The following IQCJ variants were observed in gnomAD, a reference collection of about 807,000 sequenced individuals.
IQCJ encodes IQ motif containing J.
IQCJ carries 9 observed loss-of-function variants against 11.0 expected under a neutral mutation model. That is an observed-to-expected ratio of 0.82 (90% CI 0.49 to 1.43). The LOEUF (loss-of-function observed/expected upper bound fraction) is 1.43. Ranked by LOEUF, IQCJ falls within the 40% of genes most tolerant of loss-of-function variation. The pLI is 0.00. For synonymous variants in IQCJ, 55 were observed against 51.3 expected, an observed-to-expected ratio of 1.07 and a Z score of -0.31; for missense variants, 146 against 133.2, an observed-to-expected ratio of 1.10 and a Z score of -0.47.
chr3:159,247,015 G>A (rs534850128), intron 2 of IQCJ, among the ~76,000 whole-genome samples: 1 of 152,278 alleles, frequency 6.6e-6, no homozygotes, highest in South Asian at 2.1e-4. Context: ...ATTATAAGGA[G>A]CACAGCCAAC....
intron 1 of IQCJ, among the ~76,000 whole-genome samples, chr3:159,194,662 A>G (rs967891935): frequency 6.6e-6 from 1 of 152,136 alleles, no homozygotes; most frequent in Admixed American, 6.5e-5. Flanking sequence ...TGCATAGTAT[A>G]TCTATTTTAG....
intron 1 of IQCJ, among the ~76,000 whole-genome samples, chr3:159,105,818 C>G (rs1052985174): frequency 1.3e-5 from 2 of 152,150 alleles, no homozygotes; most frequent in African/African-American, 2.4e-5. Flanking sequence ...ATAGATACAT[C>G]ACACGCAGCC....
chr3:159,256,337 A>G (rs1041933183), intron 3 of IQCJ, among the ~76,000 whole-genome samples: 2 of 152,154 alleles, frequency 1.3e-5, no homozygotes, highest in Non-Finnish European at 2.9e-5. Flanking sequence ...TTTAGGTTCT[A>G]TAAAGGAGAG....
At chr3:159,127,094 T>C (rs76646456) in intron 1 of IQCJ, among the ~76,000 whole-genome samples, 3,315 of 152,342 alleles carry the variant, frequency 0.022, 121 homozygotes, top group African/African-American at 0.075. Context: ...GACAGGTTTC[T>C]ATTAATTTCA....
At chr3:159,123,453 G>A (rs1171473759) in intron 1 of IQCJ, among the ~76,000 whole-genome samples, 2 of 152,164 alleles carry the variant, frequency 1.3e-5, no homozygotes, top group South Asian at 2.1e-4. Flanking sequence ...CAGCTTCTAA[G>A]ATCTGTGTGG....
chr3:159,193,294 T>G (rs1459522124), intron 1 of IQCJ, among the ~76,000 whole-genome samples: 1 of 152,220 alleles, frequency 6.6e-6, no homozygotes, highest in Non-Finnish European at 1.5e-5. Context: ...AACTTCTCCA[T>G]CTACCTAATG....
At chr3:159,075,773 G>C (rs1221763454) in intron 1 of IQCJ, among the ~76,000 whole-genome samples, 1 of 152,130 alleles carries the variant, frequency 6.6e-6, no homozygotes, top group East Asian at 1.9e-4. Context: ...GCAGATGAAT[G>C]AGGCAGGCAC....
intron 1 of IQCJ, among the ~76,000 whole-genome samples, chr3:159,155,286 T>G (rs1721452830): frequency 6.6e-6 from 1 of 152,080 alleles, no homozygotes; most frequent in Non-Finnish European, 1.5e-5. Flanking sequence ...GTCTCCTGAG[T>G]AGCTGGGACT....
At chr3:159,144,653 CACACACAG>C (rs1720820504) in intron 1 of IQCJ, among the ~76,000 whole-genome samples, 1 of 34,756 alleles carries the variant, frequency 2.9e-5, no homozygotes, top group African/African-American at 9.6e-5. Flanking sequence ...CACACACATA[CACACACAG>C]ACACACACAC....
chr3:159,072,005 C>T (rs1715595279), intron 1 of IQCJ, among the ~76,000 whole-genome samples: 2 of 152,026 alleles, frequency 1.3e-5, no homozygotes, highest in African/African-American at 4.8e-5. Flanking sequence ...AAATATTCAT[C>T]CTTTAAGTAA....
At chr3:159,166,135 T>A (rs1339241191) in intron 1 of IQCJ, among the ~76,000 whole-genome samples, 1 of 151,894 alleles carries the variant, frequency 6.6e-6, no homozygotes, top group Non-Finnish European at 1.5e-5. Context: ...AGCAACCGTT[T>A]CCACTGTTTA....
chr3:159,084,941 A>C (rs1289605563), intron 1 of IQCJ, among the ~76,000 whole-genome samples: 1 of 151,590 alleles, frequency 6.6e-6, no homozygotes, highest in African/African-American at 2.4e-5. Context: ...TTATACTTTA[A>C]GTTTTAGGGT....
At chr3:159,236,052 A>G (rs13100558) in intron 1 of IQCJ, among the ~76,000 whole-genome samples, 1 of 152,154 alleles carries the variant, frequency 6.6e-6, no homozygotes, top group South Asian at 2.1e-4. Flanking sequence ...ACAGGCAAAT[A>G]TCTTTTTAAG....
chr3:159,195,811 A>G (rs914879412), intron 1 of IQCJ, among the ~76,000 whole-genome samples: 1 of 152,222 alleles, frequency 6.6e-6, no homozygotes, highest in African/African-American at 2.4e-5. Flanking sequence ...AAATTAGTCT[A>G]TTTTTGTTGA....
At chr3:159,101,707 ATCT>A (rs1382129948) in intron 1 of IQCJ, among the ~76,000 whole-genome samples, 3 of 152,178 alleles carry the variant, frequency 2.0e-5, no homozygotes, top group South Asian at 2.1e-4. Flanking sequence ...TTTCTGACTG[ATCT>A]TCTTTGTGTT....
chr3:159,256,452 A>T (rs1166056109), intron 3 of IQCJ, among the ~76,000 whole-genome samples: 1 of 152,214 alleles, frequency 6.6e-6, no homozygotes, highest in Non-Finnish European at 1.5e-5. Context: ...TGCATTTGAG[A>T]GTAATACATT....
At chr3:159,127,822 T>G (rs977648599) in intron 1 of IQCJ, among the ~76,000 whole-genome samples, 5 of 152,132 alleles carry the variant, frequency 3.3e-5, no homozygotes, top group African/African-American at 4.8e-5. Context: ...TAAAAATCAG[T>G]GGGGGGCTGC....
intron 1 of IQCJ, among the ~76,000 whole-genome samples, chr3:159,136,776 G>A (rs932151768): frequency 6.6e-6 from 1 of 152,202 alleles, no homozygotes; most frequent in African/African-American, 2.4e-5. Flanking sequence ...CACCCTGGAA[G>A]CTAGGATTTC....
At chr3:159,109,490 G>T (rs1276641321) in intron 1 of IQCJ, among the ~76,000 whole-genome samples, 1 of 123,214 alleles carries the variant, frequency 8.1e-6, no homozygotes, top group Non-Finnish European at 1.7e-5. Flanking sequence ...AGTTAAGAAA[G>T]CACATAAGGC....
Sources: gnomAD v4.1 joint callset for allele counts (sites outside exome capture counted in the v4.1 genomes callset) on GRCh38, gnomAD v4.1.1 for gene constraint, MANE v1.5 for transcripts, NCBI Gene and HGNC (gene_info 2026-07-23, HGNC 2026-07-21) for gene names.